Variants in DYNC1I1 observed in about 807,000 individuals in gnomAD.
DYNC1I1 encodes the protein cytoplasmic dynein 1 intermediate chain 1.
DYNC1I1 carries 43 observed loss-of-function variants against 86.6 expected under a neutral mutation model. That is an observed-to-expected ratio of 0.50 (90% CI 0.39 to 0.64). The LOEUF (loss-of-function observed/expected upper bound fraction) is 0.64. Ranked by LOEUF, DYNC1I1 falls within the 30% of genes least tolerant of loss-of-function variation. The pLI, the probability that DYNC1I1 is intolerant of heterozygous loss-of-function variation, is 0.00. For synonymous variants in DYNC1I1, 262 were observed against 283.7 expected (o/e 0.92, Z 0.77); for missense variants, 604 against 788.8 (o/e 0.77, Z 2.81).
At chr7:95,975,471 G>A (rs1793280571) in intron 6 of DYNC1I1, among the ~76,000 whole-genome samples, 4 of 152,040 alleles carry the variant, frequency 2.6e-5, no homozygotes, top group Admixed American at 2.6e-4. Flanking sequence ...ATCTCCACAT[G>A]GTGTTCTTCC....
intron 5 of DYNC1I1, among the ~76,000 whole-genome samples, chr7:95,861,022 C>T (rs932860846): frequency 1.3e-5 from 2 of 152,044 alleles, no homozygotes; most frequent in African/African-American, 4.8e-5. Context: ...ACATCTGTTC[C>T]TGGTTTTATC....
intron 6 of DYNC1I1, among the ~76,000 whole-genome samples, chr7:95,889,667 G>A (rs769850665): frequency 1.1e-4 from 17 of 152,104 alleles, no homozygotes; most frequent in Non-Finnish European, 2.5e-4. Flanking sequence ...TACAGAATGA[G>A]AGAAAATATT....
intron 16 of DYNC1I1, among the ~76,000 whole-genome samples, chr7:96,083,172 G>A (rs1441315266): frequency 6.6e-6 from 1 of 152,066 alleles, no homozygotes; most frequent in African/African-American, 2.4e-5. Context: ...CCGAAAATCA[G>A]GATAAGCTTA....
chr7:95,891,215 A>T (rs74408372), intron 6 of DYNC1I1, among the ~76,000 whole-genome samples: 2,970 of 152,284 alleles, frequency 0.02, 53 homozygotes, highest in East Asian at 0.028. Context: ...TGACACCTTC[A>T]CTTGGATTTC....
intron 1 of DYNC1I1, among the ~76,000 whole-genome samples, chr7:95,793,367 A>T (rs1562895080): frequency 6.6e-6 from 1 of 152,112 alleles, no homozygotes; most frequent in Non-Finnish European, 1.5e-5. Context: ...TGGTACTTGG[A>T]CAGGACTGGA....
In DYNC1I1 at chr7:95,902,205, G is replaced by A. The variant is rs146744004; in HGVS notation, c.490+32207G>A. Among the ~76,000 whole-genome samples, 305 of 152,312 alleles carry A rather than the reference G, an allele frequency of 2.0e-3. 7 individuals carry two copies. In the East Asian group the frequency reaches 0.052, roughly 26 times the overall value. ...ATATGAGCCCAGGAGATAATTGCATGCTGACTTCTTGTTCTCCAGTGGCGT... is the reference window on the plus strand; with the variant it reads ...ATATGAGCCCAGGAGATAATTGCATACTGACTTCTTGTTCTCCAGTGGCGT... On this transcript the variant is annotated intron_variant, in intron 6 of 16. Coordinates refer to ENST00000447467, the MANE Select transcript of DYNC1I1 (RefSeq NM_001135556.2).
intron 9 of DYNC1I1, among the ~76,000 whole-genome samples, chr7:95,995,560 G>A (rs149310330): frequency 1.3e-5 from 2 of 152,302 alleles, no homozygotes; most frequent in South Asian, 2.1e-4. Flanking sequence ...CTTACTCAGC[G>A]AGAATAGCCC....
intron 1 of DYNC1I1, among the ~76,000 whole-genome samples, chr7:95,785,143 T>C (rs1395182859): frequency 6.6e-6 from 1 of 151,968 alleles, no homozygotes; most frequent in African/African-American, 2.4e-5. Context: ...AAATAAGAGG[T>C]CTGGAGCAGT....
chr7:95,785,776 T>TGTGTATATATATATATATATATATAC (rs1794121384), intron 1 of DYNC1I1, among the ~76,000 whole-genome samples: 2 of 1,508 alleles, frequency 1.3e-3, no homozygotes, highest in African/African-American at 8.0e-3. Flanking sequence ...TGTGTATGTG[T>TGTGTATATATATATATATATATATAC]ATATATATAT....
chr7:96,086,815 G>T (rs1421532010), intron 16 of DYNC1I1, among the ~76,000 whole-genome samples: 1 of 152,104 alleles, frequency 6.6e-6, no homozygotes, highest in Non-Finnish European at 1.5e-5. Flanking sequence ...GAAAAATCAA[G>T]AGAGAAAAGT....
chr7:96,058,337 A>G (rs1207292937), intron 14 of DYNC1I1, among the ~76,000 whole-genome samples: 1 of 152,258 alleles, frequency 6.6e-6, no homozygotes, highest in East Asian at 1.9e-4. Flanking sequence ...CAACAGGTTC[A>G]TAGCCTACAT....
chr7:95,836,739 C>G (rs1034394081), intron 5 of DYNC1I1, among the ~76,000 whole-genome samples: 1 of 152,128 alleles, frequency 6.6e-6, no homozygotes, highest in Non-Finnish European at 1.5e-5. Context: ...TGCTGATACC[C>G]TTTCTTCCAG....
At chr7:95,820,774 CG>C (rs1281048295) in intron 4 of DYNC1I1, among the ~76,000 whole-genome samples, 2 of 152,244 alleles carry the variant, frequency 1.3e-5, no homozygotes, top group Non-Finnish European at 2.9e-5. Flanking sequence ...GACAGGGTCT[CG>C]CTATGTTACC....
At chr7:95,966,264 C>T (rs1394201719) in intron 6 of DYNC1I1, among the ~76,000 whole-genome samples, 1 of 152,188 alleles carries the variant, frequency 6.6e-6, no homozygotes, top group African/African-American at 2.4e-5. Flanking sequence ...ATTAATTGTA[C>T]CTCCATTCTC....
At chr7:96,106,232 G>A (rs1451663949) in intron 16 of DYNC1I1, among the ~76,000 whole-genome samples, 1 of 151,846 alleles carries the variant, frequency 6.6e-6, no homozygotes, top group Non-Finnish European at 1.5e-5. Flanking sequence ...GGCCTTTGAA[G>A]TTTTAAAAAT....
At position 96,096,538 on chromosome 7, in the gene DYNC1I1, A is replaced by G. The variant is rs558437064; in HGVS notation, c.1777-945A>G. ...TTCTCATCCTCAAATTTTTTTTTCT[A>G]TCCCAGATACTTGCATTATATTTTT... is the stretch of plus-strand genomic sequence containing the variant. On this transcript the variant is annotated intron_variant, in intron 16 of 16. Transcript: ENST00000447467. 1.5e-3 allele frequency among the ~76,000 whole-genome samples: 226 copies of G among 152,124 alleles called. 1 individual carries two copies. The highest frequency in any genetic ancestry group is 4.8e-3 in the South Asian group (23 of 4,824).
intron 6 of DYNC1I1, among the ~76,000 whole-genome samples, chr7:95,944,499 T>C (rs1248649574): frequency 6.6e-6 from 1 of 152,218 alleles, no homozygotes; most frequent in Non-Finnish European, 1.5e-5. Context: ...AGAAATACCA[T>C]CTGACCCAGC....
At chr7:96,038,687 A>T (rs1788943554) in intron 13 of DYNC1I1, among the ~76,000 whole-genome samples, 1 of 152,206 alleles carries the variant, frequency 6.6e-6, no homozygotes, top group African/African-American at 2.4e-5. Flanking sequence ...CAGTAAAGAG[A>T]AAACATTATT....
rs139112570 is a variant in DYNC1I1, at chr7:95,820,548, T to C, written c.314+7211T>C. On this transcript the variant is annotated intron_variant, in intron 4 of 16. Transcript: ENST00000447467. ...ATGTGGAACAAGAGCTCAGAGAAAC[T>C]GTGCGACTCAGGAAATCTCTGTATT... 6.4e-3 allele frequency among the ~76,000 whole-genome samples: 971 copies of C among 152,340 alleles called. 20 individuals are homozygous for C. The highest frequency in any genetic ancestry group is 0.03 in the East Asian group (154 of 5,180).
Sources: gnomAD v4.1 joint callset for allele counts (sites outside exome capture counted in the v4.1 genomes callset) on GRCh38, gnomAD v4.1.1 for gene constraint, MANE v1.5 for transcripts, NCBI Gene and HGNC (gene_info 2026-07-23, HGNC 2026-07-21) for gene names.